Variants in AKAP19 observed in about 807,000 individuals in gnomAD.
The protein encoded by AKAP19 is small A-kinase anchoring protein.
the AKAP19 span, among the ~76,000 whole-genome samples, chr2:189,919,770 A>G: frequency 0.026 from 3,934 of 152,282 alleles, 73 homozygotes; most frequent in Non-Finnish European, 0.035. Flanking sequence ...TGCTAGAGAA[A>G]GCTTCACTTT....
At chr2:189,922,944 G>T in the AKAP19 span, among the ~76,000 whole-genome samples, 5 of 152,108 alleles carry the variant, frequency 3.3e-5, no homozygotes, top group African/African-American at 9.7e-5. Flanking sequence ...GAGCTCAGGA[G>T]TTCAAGACCA....
the AKAP19 span, among the ~76,000 whole-genome samples, chr2:190,003,863 T>A: frequency 1.3e-5 from 2 of 151,972 alleles, no homozygotes; most frequent in Non-Finnish European, 1.5e-5. Context: ...TGAGACTCTG[T>A]ATAAAGAGAA....
At chr2:190,179,802 G>A in the AKAP19 span, among the ~76,000 whole-genome samples, 7 of 152,290 alleles carry the variant, frequency 4.6e-5, no homozygotes, top group South Asian at 2.1e-4. This position sits in a 1 kb window ranked among gnomAD's most constrained non-coding sequence, Gnocchi z 6.0. Flanking sequence ...CTGTAATGTG[G>A]AGTCAAAATT....
chr2:189,917,062 G>T, the AKAP19 span, among the ~76,000 whole-genome samples: 1 of 152,108 alleles, frequency 6.6e-6, no homozygotes, highest in African/African-American at 2.4e-5. Flanking sequence ...ATCAAAATAA[G>T]GTTCTTGAAG....
At chr2:190,108,792 T>G in the AKAP19 span, among the ~76,000 whole-genome samples, 1 of 151,268 alleles carries the variant, frequency 6.6e-6, no homozygotes, top group African/African-American at 2.4e-5. Flanking sequence ...GGTTTTTTTT[T>G]TTTTTTTTTT....
the AKAP19 span, among the ~76,000 whole-genome samples, chr2:190,197,106 C>A: frequency 6.6e-6 from 1 of 152,138 alleles, no homozygotes; most frequent in Admixed American, 6.5e-5. This position sits in a 1 kb window ranked among gnomAD's most constrained non-coding sequence, Gnocchi z 4.0. Context: ...CACTAAAACT[C>A]TAATATCATC....
At chr2:190,129,451 T>G in the AKAP19 span, among the ~76,000 whole-genome samples, 2 of 152,226 alleles carry the variant, frequency 1.3e-5, no homozygotes, top group African/African-American at 4.8e-5. Flanking sequence ...ACTTGCCATG[T>G]GCCCTGATTA....
chr2:189,950,984 G>T, the AKAP19 span, among the ~76,000 whole-genome samples: 16 of 152,190 alleles, frequency 1.1e-4, no homozygotes, highest in Admixed American at 8.5e-4. Flanking sequence ...GGGTTGGGGT[G>T]GGGGTAGTAG....
the AKAP19 span, among the ~76,000 whole-genome samples, chr2:190,114,713 C>T: frequency 9.8e-5 from 15 of 152,324 alleles, no homozygotes; most frequent in Middle Eastern, 3.4e-3. Context: ...ATCTCGGCCT[C>T]CCAAAGTGCT....
chr2:190,132,142 T>C, the AKAP19 span, among the ~76,000 whole-genome samples: 3 of 152,172 alleles, frequency 2.0e-5, no homozygotes, highest in East Asian at 5.8e-4. Context: ...AAAACATTTA[T>C]GAAATAAATT....
At chr2:190,104,064 T>C in the AKAP19 span, among the ~76,000 whole-genome samples, 17 of 152,092 alleles carry the variant, frequency 1.1e-4, no homozygotes, top group South Asian at 2.1e-4. Flanking sequence ...TTTGACAAAG[T>C]TGACGAAAAT....
At chr2:189,978,220 GT>G in the AKAP19 span, among the ~76,000 whole-genome samples, 1 of 152,164 alleles carries the variant, frequency 6.6e-6, no homozygotes, top group African/African-American at 2.4e-5. Flanking sequence ...CCATTAGGTA[GT>G]TTTTCAGCCT....
chr2:190,134,618 T>C, the AKAP19 span, among the ~76,000 whole-genome samples: 2 of 148,066 alleles, frequency 1.4e-5, no homozygotes, highest in East Asian at 3.9e-4. Flanking sequence ...TTAAATGGCA[T>C]AGTGAATTAG....
chr2:189,883,507 G>GTTTTT, the AKAP19 span, among the ~76,000 whole-genome samples: 626 of 123,736 alleles, frequency 5.1e-3, 6 homozygotes, highest in African/African-American at 0.017. Context: ...GTTTCTTCCT[G>GTTTTT]TTTTTTTTTT....
At chr2:189,927,236 G>A in the AKAP19 span, among the ~76,000 whole-genome samples, 2 of 152,170 alleles carry the variant, frequency 1.3e-5, no homozygotes, top group Admixed American at 1.3e-4. Context: ...TAAATATTCA[G>A]TACTCAGGCT....
At chr2:189,901,714 T>C in the AKAP19 span, among the ~76,000 whole-genome samples, 4 of 152,154 alleles carry the variant, frequency 2.6e-5, no homozygotes, top group African/African-American at 9.7e-5. Context: ...TTACCTTTTT[T>C]CCCCAAAAAT....
At chr2:190,057,317 C>A in the AKAP19 span, 1 of 1,613,410 alleles carries the variant, frequency 6.2e-7, no homozygotes, top group Non-Finnish European at 8.5e-7. Context: ...ATTATTTGTT[C>A]TTTGCCATTA....
the AKAP19 span, among the ~76,000 whole-genome samples, chr2:190,004,713 G>A: frequency 2.0e-5 from 3 of 151,900 alleles, no homozygotes; most frequent in Non-Finnish European, 2.9e-5. Context: ...CCCTTGCAAA[G>A]GAATCATAAC....
At chr2:190,165,798 A>G in the AKAP19 span, among the ~76,000 whole-genome samples, 2 of 152,246 alleles carry the variant, frequency 1.3e-5, no homozygotes, top group East Asian at 3.8e-4. Flanking sequence ...GAACTCAACA[A>G]ATTCCAAACA....
Sources: gnomAD v4.1 joint callset for allele counts (sites outside exome capture counted in the v4.1 genomes callset) on GRCh38, gnomAD v4.1.1 for gene constraint, Gnocchi (gnomAD v3.1) non-coding constraint, MANE v1.5 for transcripts, NCBI Gene and HGNC (gene_info 2026-07-23, HGNC 2026-07-21) for gene names.